STK32B: variants seen among roughly 807,000 people sequenced by gnomAD.
STK32B encodes the protein serine/threonine-protein kinase 32B.
In STK32B, 43 loss-of-function variants were observed where a neutral mutation model predicts 52.6. The observed-to-expected ratio is 0.82, with a 90% CI of 0.64 to 1.05. The LOEUF is 1.05. Ranked by LOEUF, STK32B falls within the 50% of genes least tolerant of loss-of-function variation. The probability of loss-of-function intolerance (pLI) is 0.00; values close to 1 mark genes in which losing one functional copy is unlikely to be tolerated. For missense variants in STK32B, 621 were observed against 534.6 expected, an observed-to-expected ratio of 1.16 and a Z score of -1.59; for synonymous variants, 238 against 204.3, an observed-to-expected ratio of 1.17 and a Z score of -1.41.
intron 1 of STK32B, among the ~76,000 whole-genome samples, chr4:5,133,963 CT>C (rs1247155454): frequency 6.6e-6 from 1 of 152,150 alleles, no homozygotes; most frequent in African/African-American, 2.4e-5. Flanking sequence ...GGGTTTAAAA[CT>C]TTGTTTAAAC....
At chr4:5,192,506 A>T (rs1721291778) in intron 3 of STK32B, among the ~76,000 whole-genome samples, 1 of 152,244 alleles carries the variant, frequency 6.6e-6, no homozygotes, top group Non-Finnish European at 1.5e-5. Flanking sequence ...GGAAATAGTG[A>T]AGCTGACTCA....
At chr4:5,282,354 A>G (rs1199985544) in intron 3 of STK32B, among the ~76,000 whole-genome samples, 1 of 152,146 alleles carries the variant, frequency 6.6e-6, no homozygotes. Flanking sequence ...TTAGCCTTCC[A>G]TATCTATGGG....
In STK32B at chr4:5,499,315, AG is replaced by A; in HGVS notation, c.*236del. ...TGCCTCCGTTTTCTGCATCTGCCAA[AG>A]GGGTTAAACACTTCTGCCCCACTTC... On this transcript the variant is annotated 3_prime_UTR_variant, in exon 12 of 12. Transcript: ENST00000282908. 2.2e-6 allele frequency: 1 copy of A among 457,654 alleles called. No homozygotes were observed. The highest frequency in any genetic ancestry group is 3.5e-5 in the East Asian group (1 of 28,550). The allele number at this position is 457,654 out of a possible 1,614,324, so 28.3% of individuals were successfully genotyped here. A position where few individuals can be genotyped will look rare whatever the true frequency, so the allele number is the denominator to read the frequency against.
At chr4:5,071,454 A>C (rs1184811147) in intron 1 of STK32B, among the ~76,000 whole-genome samples, 3 of 152,288 alleles carry the variant, frequency 2.0e-5, no homozygotes, top group African/African-American at 4.8e-5. Flanking sequence ...TATCAGACTC[A>C]ATATAATTGT....
intron 1 of STK32B, among the ~76,000 whole-genome samples, chr4:5,138,387 C>A (rs1378489925): frequency 6.6e-6 from 1 of 151,730 alleles, no homozygotes; most frequent in Non-Finnish European, 1.5e-5. Context: ...CAATTCACTT[C>A]ATTTTTTTTT....
At chr4:5,484,373 G>C (rs1446589396) in intron 11 of STK32B, among the ~76,000 whole-genome samples, 1 of 152,020 alleles carries the variant, frequency 6.6e-6, no homozygotes. Flanking sequence ...GATCTTTGTT[G>C]GTTTAAAGTC....
At chr4:5,271,556 T>C (rs1727434164) in intron 3 of STK32B, among the ~76,000 whole-genome samples, 1 of 149,050 alleles carries the variant, frequency 6.7e-6, no homozygotes, top group Non-Finnish European at 1.5e-5. Context: ...CATTGGTAGC[T>C]TGATGGGGAT....
intron 2 of STK32B, among the ~76,000 whole-genome samples, chr4:5,143,893 C>G (rs1236254527): frequency 1.3e-5 from 2 of 152,110 alleles, no homozygotes; most frequent in Non-Finnish European, 2.9e-5. Flanking sequence ...TTTTGAATGC[C>G]CACTCCAGCC....
At chr4:5,489,301 T>G (rs895446833) in intron 11 of STK32B, among the ~76,000 whole-genome samples, 3 of 152,230 alleles carry the variant, frequency 2.0e-5, no homozygotes, top group Non-Finnish European at 4.4e-5. Flanking sequence ...TTTTCTCTAT[T>G]AATAATTTTT....
At chr4:5,168,501 A>C (rs908912219) in intron 3 of STK32B, 51 bp downstream of exon 3, 14 of 1,556,562 alleles carry the variant, frequency 9.0e-6, no homozygotes, top group Admixed American at 3.8e-5. Flanking sequence ...TGGGGAGCCA[A>C]ATGCAAATTC....
At chr4:5,437,412 C>T (rs974024801) in intron 6 of STK32B, among the ~76,000 whole-genome samples, 1 of 152,186 alleles carries the variant, frequency 6.6e-6, no homozygotes, top group Non-Finnish European at 1.5e-5. Context: ...GGCTTGTGGC[C>T]GCATTGCCCT....
chr4:5,101,691 AT>A (rs543566980), intron 1 of STK32B, among the ~76,000 whole-genome samples: 38 of 152,188 alleles, frequency 2.5e-4, no homozygotes, highest in African/African-American at 8.9e-4. Context: ...CATTTCTTTA[AT>A]TTGCATTTCC....
At chr4:5,411,936 G>A (rs530365881) in intron 5 of STK32B, among the ~76,000 whole-genome samples, 7 of 152,268 alleles carry the variant, frequency 4.6e-5, no homozygotes, top group African/African-American at 9.6e-5. Flanking sequence ...AAGTATGAGC[G>A]CAAAAACTAG....
chr4:5,181,769 C>A (rs139982740), intron 3 of STK32B, among the ~76,000 whole-genome samples: 1 of 152,208 alleles, frequency 6.6e-6, no homozygotes, highest in Non-Finnish European at 1.5e-5. Context: ...GAGTCTTCAA[C>A]AAGTTTTAAT....
intron 2 of STK32B, among the ~76,000 whole-genome samples, chr4:5,166,324 A>G (rs1486648087): frequency 6.6e-6 from 1 of 151,754 alleles, no homozygotes; most frequent in Non-Finnish European, 1.5e-5. Context: ...TCTAGGCCTC[A>G]CTTTCCTCTC....
rs758384004 is a variant in STK32B at position 5,442,237 on chromosome 4, C to CT, written c.563-4435dup. On this transcript the variant is annotated intron_variant, in intron 6 of 11. Coordinates refer to ENST00000282908, the MANE Select transcript of STK32B (RefSeq NM_018401.3). ...TCTCCCATTATTAATGTGTGGGAGT[C>CT]TAAGTCTCTTTGTAGGTCACTCAGG... is the stretch of plus-strand genomic sequence containing the variant. Among the ~76,000 whole-genome samples the CT allele has an allele frequency of 3.3e-4, 48 of 146,470 alleles. 1 individual carries two copies. The East Asian group carries it at 9.5e-3, about 29-fold the overall frequency.
intron 4 of STK32B, among the ~76,000 whole-genome samples, chr4:5,382,269 C>T (rs1266321763): frequency 6.6e-6 from 1 of 152,074 alleles, no homozygotes; most frequent in Admixed American, 6.6e-5. Context: ...CGCTGGTGAC[C>T]CTGGGAAAGT....
chr4:5,116,841 A>G (rs1157252549), intron 1 of STK32B, among the ~76,000 whole-genome samples: 1 of 152,168 alleles, frequency 6.6e-6, no homozygotes, highest in Non-Finnish European at 1.5e-5. Flanking sequence ...CACAGTTCTC[A>G]GTGTACAAAT....
chr4:5,266,655 C>T (rs1352228829), intron 3 of STK32B, among the ~76,000 whole-genome samples: 2 of 152,168 alleles, frequency 1.3e-5, no homozygotes, highest in Non-Finnish European at 2.9e-5. Context: ...TTACCTCAGC[C>T]ACTTATCTCT....
Sources: gnomAD v4.1 joint callset for allele counts (sites outside exome capture counted in the v4.1 genomes callset) on GRCh38, gnomAD v4.1.1 for gene constraint, MANE v1.5 for transcripts, NCBI Gene and HGNC (gene_info 2026-07-23, HGNC 2026-07-21) for gene names.